The following ZC3H12B variants were observed in gnomAD, a reference collection of about 807,000 sequenced individuals.
ZC3H12B encodes probable ribonuclease ZC3H12B.
ZC3H12B carries 7 observed loss-of-function variants against 43.9 expected under a neutral mutation model. The ratio of observed to expected loss-of-function variants is 0.16; its 90% confidence interval spans 0.09 to 0.30. The LOEUF (loss-of-function observed/expected upper bound fraction) is 0.30, where lower values mean the gene tolerates loss of function less well. Ranked by LOEUF, ZC3H12B falls within the 10% of genes least tolerant of loss-of-function variation. The pLI is 1.00. For missense variants in ZC3H12B, 475 were observed against 670.2 expected (o/e 0.71, Z 3.22); for synonymous variants, 222 against 241.7 (o/e 0.92, Z 0.76).
At chrX:65,378,098 CA>C (rs61203206) in intron 2 of ZC3H12B, among the ~76,000 whole-genome samples, 34 of 94,575 alleles carry the variant, frequency 3.6e-4, no homozygotes, top group Admixed American at 3.5e-4. Flanking sequence ...GACTCCATCT[CA>C]AAAAAAAAAA....
chrX:65,186,028 T>A, the ZC3H12B span: 1 of 111,834 alleles, frequency 8.9e-6, no homozygotes, highest in East Asian at 2.8e-4. Flanking sequence ...CATTTTGGAA[T>A]CAAACCAGTC....
chrX:65,113,831 C>T, the ZC3H12B span, among the ~76,000 whole-genome samples: 6 of 106,353 alleles, frequency 5.6e-5, no homozygotes, highest in African/African-American at 2.0e-4. Context: ...CATTTCTAGA[C>T]ATAATGCTAT....
At chrX:65,054,458 A>G in the ZC3H12B span, among the ~76,000 whole-genome samples, 1 of 110,573 alleles carries the variant, frequency 9.0e-6, no homozygotes, top group African/African-American at 3.3e-5. Flanking sequence ...GTTCTGTTCC[A>G]TTGGTCTATA....
chrX:65,152,806 G>A, the ZC3H12B span, among the ~76,000 whole-genome samples: 2 of 111,812 alleles, frequency 1.8e-5, no homozygotes, highest in Non-Finnish European at 3.8e-5. Context: ...CAAAGCTGGA[G>A]ACATCACGCT....
the ZC3H12B span, among the ~76,000 whole-genome samples, chrX:65,174,941 A>AC: frequency 9.3e-6 from 1 of 107,899 alleles, no homozygotes; most frequent in Non-Finnish European, 1.9e-5. Flanking sequence ...AAAACAAACA[A>AC]AAAAAAAAAA....
chrX:65,273,355 CAG>C, the ZC3H12B span, among the ~76,000 whole-genome samples: 97 of 109,925 alleles, frequency 8.8e-4, no homozygotes, highest in African/African-American at 3.2e-3. Flanking sequence ...CTAGATCAAA[CAG>C]AAGAAATGCC....
the ZC3H12B span, among the ~76,000 whole-genome samples, chrX:65,236,560 C>T: frequency 4.5e-5 from 5 of 111,920 alleles, no homozygotes; most frequent in Non-Finnish European, 7.5e-5. Flanking sequence ...AACTAGGTCC[C>T]ATTTGTCAAT....
chrX:65,069,375 T>A, the ZC3H12B span, among the ~76,000 whole-genome samples: 7 of 108,348 alleles, frequency 6.5e-5, no homozygotes, highest in Non-Finnish European at 1.3e-4. Flanking sequence ...GTGTCCAAGC[T>A]TACTCATTCT....
At chrX:65,130,461 A>T in the ZC3H12B span, among the ~76,000 whole-genome samples, 1 of 111,208 alleles carries the variant, frequency 9.0e-6, no homozygotes, top group Non-Finnish European at 1.9e-5. Flanking sequence ...GACTCGGGGC[A>T]TGTGAGTAAA....
At chrX:65,283,006 C>T in the ZC3H12B span, among the ~76,000 whole-genome samples, 1 of 111,503 alleles carries the variant, frequency 9.0e-6, no homozygotes, top group Non-Finnish European at 1.9e-5. Flanking sequence ...CAAAGCCTGA[C>T]AGAGACACAA....
At chrX:65,459,474 C>A (rs1443369380) in intron 3 of ZC3H12B, among the ~76,000 whole-genome samples, 1 of 111,602 alleles carries the variant, frequency 9.0e-6, no homozygotes, top group Non-Finnish European at 1.9e-5. Flanking sequence ...TACTGGCAAA[C>A]CGAATCCAGC....
chrX:65,361,141 T>C, the ZC3H12B span, among the ~76,000 whole-genome samples: 1 of 112,189 alleles, frequency 8.9e-6, no homozygotes, highest in East Asian at 2.8e-4. Context: ...ACATGTGTTA[T>C]CATATTAAAG....
rs781124318 is a variant in ZC3H12B at position 65,452,148 on chromosome X, T to A, written n.408-36498T>A. Among the ~76,000 whole-genome samples, 5 of 111,237 alleles carry A rather than the reference T, an allele frequency of 4.5e-5. No homozygotes were observed. The South Asian group carries it at 1.5e-3, about 34-fold the overall frequency. On this transcript the variant is annotated intron_variant and non_coding_transcript_variant, in intron 3 of 5. Coordinates refer to the ZC3H12B transcript ENST00000617377. Reference sequence around the variant, plus strand: ...TGACAAGGTTGCCCACTCTCACCACTTCTATTCAATATAGTACTGGAAGTC... The same window carrying A: ...TGACAAGGTTGCCCACTCTCACCACATCTATTCAATATAGTACTGGAAGTC...
chrX:65,160,078 T>C, the ZC3H12B span, among the ~76,000 whole-genome samples: 2 of 112,179 alleles, frequency 1.8e-5, no homozygotes, highest in East Asian at 5.6e-4. Flanking sequence ...TTGATTTGTG[T>C]ATATTGAACC....
chrX:65,461,170 C>T (rs1480845997), intron 3 of ZC3H12B, among the ~76,000 whole-genome samples: 1 of 112,094 alleles, frequency 8.9e-6, no homozygotes, highest in South Asian at 3.7e-4. Flanking sequence ...CATCTCACAC[C>T]ACTTAGAATG....
At chrX:65,315,211 T>A in the ZC3H12B span, among the ~76,000 whole-genome samples, 4 of 111,400 alleles carry the variant, frequency 3.6e-5, no homozygotes, top group Admixed American at 1.9e-4. Context: ...CCACTTTAAA[T>A]ATTATGATAT....
chrX:65,308,505 AC>A, the ZC3H12B span, among the ~76,000 whole-genome samples: 1 of 111,778 alleles, frequency 8.9e-6, no homozygotes, highest in South Asian at 3.7e-4. Flanking sequence ...TTAGAGACCT[AC>A]AAAGAGACTT....
the ZC3H12B span, among the ~76,000 whole-genome samples, chrX:65,359,750 C>T: frequency 8.9e-6 from 1 of 112,222 alleles, no homozygotes; most frequent in African/African-American, 3.2e-5. Flanking sequence ...GTTGAAATTA[C>T]AACAAACGAT....
At chrX:65,458,459 G>A (rs748138384) in intron 3 of ZC3H12B, among the ~76,000 whole-genome samples, 25 of 111,772 alleles carry the variant, frequency 2.2e-4, no homozygotes, top group African/African-American at 8.1e-4. Flanking sequence ...ATAGTTGGAA[G>A]TAAAGCACTC....
Sources: allele counts gnomAD v4.1 joint callset (sites outside exome capture counted in the v4.1 genomes callset), GRCh38; gene constraint gnomAD v4.1.1; transcripts MANE v1.5; gene names NCBI Gene and HGNC (gene_info 2026-07-23, HGNC 2026-07-21).